Variants in PHF20 observed in about 807,000 individuals in gnomAD.
PHF20 encodes glioma-expressed antigen 2.
A neutral mutation model predicts 113.5 loss-of-function variants in PHF20; 23 were observed. The observed-to-expected ratio is 0.20, with a 90% CI of 0.15 to 0.29. PHF20 has a LOEUF of 0.29. Ranked by LOEUF, PHF20 falls within the 10% of genes least tolerant of loss-of-function variation. The pLI, the probability that PHF20 is intolerant of heterozygous loss-of-function variation, is 1.00. For synonymous variants in PHF20, 434 were observed against 457.3 expected (o/e 0.95, Z 0.65); for missense variants, 943 against 1,219.6 (o/e 0.77, Z 3.38).
chr20:35,820,296 A>G (rs1276783685), intron 2 of PHF20, among the ~76,000 whole-genome samples: 1 of 152,190 alleles, frequency 6.6e-6, no homozygotes, highest in Admixed American at 6.6e-5. Flanking sequence ...TCAATGCTAG[A>G]TGCTGGAGAA....
At position 35,938,759 on chromosome 20, in the gene PHF20, G is replaced by A. The variant is rs746385669; in HGVS notation, c.2363G>A (p.Gly788Glu). Residue 788 changes from glycine to glutamate, a missense_variant, in exon 16 of 18, where the codon GGG becomes GAG. Physicochemically the swap from Gly to Glu is moderately conservative, Grantham distance 98. Around this residue, in one of 3 missense-constraint regions of PHF20, gnomAD observed 349 missense variants for 412.3 expected, o/e 0.85. Coordinates refer to ENST00000374012, the MANE Select transcript of PHF20 (RefSeq NM_016436.5). The stretch of plus-strand genomic sequence containing the variant: ...CCTTGGAAACAGCACTCAGGGGAGG[G>A]GAGATCTCATTTCAGAAACATCCCT... ...CQPWKQHSGE[G>E]RSHFRNIPVT... The A allele has an allele frequency of 3.1e-6, 5 of 1,613,948 alleles. No individual in the cohort carries two copies. In the East Asian group the frequency reaches 8.9e-5, roughly 29 times the overall value.
chr20:35,889,009 C>CTTTT (rs566960589), intron 9 of PHF20, among the ~76,000 whole-genome samples: 21 of 99,212 alleles, frequency 2.1e-4, no homozygotes, highest in Non-Finnish European at 3.8e-4. Flanking sequence ...CTCTTAGTTT[C>CTTTT]TTTTTTTTTT....
intron 17 of PHF20, among the ~76,000 whole-genome samples, chr20:35,945,236 A>G (rs971170894): frequency 1.3e-5 from 2 of 152,136 alleles, no homozygotes; most frequent in African/African-American, 4.8e-5. Context: ...CAGGCTTGCC[A>G]CATTTCAGAC....
intron 2 of PHF20, among the ~76,000 whole-genome samples, chr20:35,804,798 A>G (rs150814351): frequency 1.3e-3 from 194 of 152,272 alleles, no homozygotes; most frequent in African/African-American, 4.2e-3. Context: ...TTACTTGGGC[A>G]GTGGCTTTTG....
chr20:35,947,711 A>C lies in PHF20; in HGVS notation c.*84A>C. ...GCATATTTAAATAAATAAACCTAGC[A>C]TGCTGAATGCACGTGACACCGACTG... is the stretch of plus-strand genomic sequence containing the variant. On this transcript the variant is annotated 3_prime_UTR_variant, in exon 18 of 18. Coordinates refer to ENST00000374012, the MANE Select transcript of PHF20 (RefSeq NM_016436.5). 2 of 1,389,108 alleles carry C rather than the reference A, an allele frequency of 1.4e-6. No homozygotes were observed. Among genetic ancestry groups the C allele is most frequent in the Non-Finnish European group, 1.0e-6 (1 of 1,000,706 alleles). The allele number at this position is 1,389,108 out of a possible 1,614,324, so 86.0% of individuals were successfully genotyped here.
At chr20:35,798,740 C>A (rs2041718702) in intron 1 of PHF20, among the ~76,000 whole-genome samples, 1 of 151,964 alleles carries the variant, frequency 6.6e-6, no homozygotes, top group Non-Finnish European at 1.5e-5. Flanking sequence ...AGGCATGAGC[C>A]ACCATGCCTG....
At chr20:35,803,859 C>G (rs182801781) in intron 2 of PHF20, among the ~76,000 whole-genome samples, 30 of 151,720 alleles carry the variant, frequency 2.0e-4, no homozygotes, top group Non-Finnish European at 2.9e-5. Flanking sequence ...TCCGCACCCT[C>G]CTCGCCCACC....
intron 2 of PHF20, among the ~76,000 whole-genome samples, chr20:35,807,031 G>A (rs2041896850): frequency 6.6e-6 from 1 of 151,990 alleles, no homozygotes; most frequent in South Asian, 2.1e-4. Context: ...TCCTGACCTT[G>A]TGATCTGCCC....
At chr20:35,861,976 A>G (rs2054226001) in intron 5 of PHF20, among the ~76,000 whole-genome samples, 2 of 152,204 alleles carry the variant, frequency 1.3e-5, no homozygotes, top group South Asian at 4.1e-4. Context: ...AGGTCCTAGA[A>G]GAGAGATATG....
chr20:35,895,468 T>C (rs2054961297), intron 9 of PHF20, among the ~76,000 whole-genome samples: 1 of 152,162 alleles, frequency 6.6e-6, no homozygotes, highest in Non-Finnish European at 1.5e-5. Flanking sequence ...CCAGCCTTAG[T>C]CTTTTTTAGC....
chr20:35,892,752 G>C (rs921058110), intron 9 of PHF20, among the ~76,000 whole-genome samples: 2 of 152,044 alleles, frequency 1.3e-5, no homozygotes, highest in African/African-American at 4.8e-5. Context: ...TTCTCACTCT[G>C]ATGCTTGTGT....
At chr20:35,836,946 G>A (rs1192172700) in intron 2 of PHF20, among the ~76,000 whole-genome samples, 3 of 152,064 alleles carry the variant, frequency 2.0e-5, no homozygotes, top group Non-Finnish European at 2.9e-5. Flanking sequence ...CAAGGCCAGC[G>A]ATCGCTTGAG....
chr20:35,937,423 G>A (rs1408064569), intron 15 of PHF20, among the ~76,000 whole-genome samples: 2 of 150,894 alleles, frequency 1.3e-5, no homozygotes, highest in Non-Finnish European at 2.9e-5. Flanking sequence ...AGCCGAGATC[G>A]CACCATTGCA....
chr20:35,917,735 A>G lies in PHF20; in HGVS notation c.2004+73A>G, dbSNP rs1600932877. ...CTTGGAGGGAATTTTGAGGCCAGCAACAATGGCAAGTCATAGCAGAGCCCC... is the reference window on the plus strand; with the variant it reads ...CTTGGAGGGAATTTTGAGGCCAGCAGCAATGGCAAGTCATAGCAGAGCCCC... On this transcript the variant is annotated intron_variant, in intron 13 of 17. Coordinates refer to ENST00000374012, the MANE Select transcript of PHF20 (RefSeq NM_016436.5). 7 of 1,313,864 alleles carry G rather than the reference A, an allele frequency of 5.3e-6. No homozygotes were observed. The East Asian group carries it at 1.6e-4, about 30-fold the overall frequency. 81.4% of individuals were successfully genotyped at this position (1,313,864 alleles called of 1,614,324 possible).
chr20:35,838,011 G>A (rs757462384), intron 2 of PHF20, among the ~76,000 whole-genome samples: 18 of 152,164 alleles, frequency 1.2e-4, no homozygotes, highest in Non-Finnish European at 2.1e-4. Flanking sequence ...GGAGGGGTTT[G>A]TTTAGGTCTG....
chr20:35,803,373 G>A (rs1311988837), intron 2 of PHF20, among the ~76,000 whole-genome samples: 3 of 151,442 alleles, frequency 2.0e-5, no homozygotes, highest in African/African-American at 4.9e-5. Context: ...ATTCAGGCTG[G>A]AGTGTAGTGG....
At chr20:35,899,892 A>G (rs1009479508) in intron 10 of PHF20, among the ~76,000 whole-genome samples, 107 of 152,220 alleles carry the variant, frequency 7.0e-4, no homozygotes, top group African/African-American at 2.4e-3. Flanking sequence ...TGCTGCTTCC[A>G]GTATGAGTGG....
At chr20:35,801,465 C>T (rs2041779704) in intron 1 of PHF20, 26 bp from the exon 2 acceptor site, 1 of 1,283,242 alleles carries the variant, frequency 7.8e-7, no homozygotes, top group Non-Finnish European at 1.1e-6. Context: ...GCCTAAGTTT[C>T]ATAAATATTT....
intron 2 of PHF20, among the ~76,000 whole-genome samples, chr20:35,832,011 A>G (rs770419149): frequency 6.6e-6 from 1 of 152,140 alleles, no homozygotes; most frequent in Non-Finnish European, 1.5e-5. Flanking sequence ...GCCCATCCAT[A>G]AGATCCTCCT....
Sources: allele counts gnomAD v4.1 joint callset (sites outside exome capture counted in the v4.1 genomes callset), GRCh38; gene constraint gnomAD v4.1.1; regional missense constraint gnomAD v4.1.1; transcripts MANE v1.5; gene names NCBI Gene and HGNC (gene_info 2026-07-23, HGNC 2026-07-21).